SGSM1: variants seen among roughly 807,000 people sequenced by gnomAD.
SGSM1 encodes the protein RUN and TBC1 domain containing 2.
A neutral mutation model predicts 133.8 loss-of-function variants in SGSM1; 73 were observed. That is an observed-to-expected ratio of 0.55 (90% confidence interval 0.45 to 0.66). The LOEUF (loss-of-function observed/expected upper bound fraction) is 0.66, where lower values mean the gene tolerates loss of function less well. Ranked by LOEUF, SGSM1 falls within the 30% of genes least tolerant of loss-of-function variation. The probability of loss-of-function intolerance (pLI) is 0.00; values close to 1 mark genes in which losing one functional copy is unlikely to be tolerated. For synonymous variants in SGSM1, 563 were observed against 573.0 expected, an observed-to-expected ratio of 0.98 and a Z score of 0.25; for missense variants, 1,213 against 1,448.1, an observed-to-expected ratio of 0.84 and a Z score of 2.64.
At chr22:24,851,449 G>GGAGAGAGAGAGA (rs56956761) in intron 5 of SGSM1, among the ~76,000 whole-genome samples, 10 of 112,868 alleles carry the variant, frequency 8.9e-5, no homozygotes, top group Non-Finnish European at 1.2e-4. Context: ...GGGGGTGGGG[G>GGAGAGAGAGAGA]GAGAGAGAGA....
chr22:24,857,379 G>T (rs1022371114), intron 8 of SGSM1, among the ~76,000 whole-genome samples: 1 of 136,660 alleles, frequency 7.3e-6, no homozygotes, highest in Admixed American at 8.0e-5. Flanking sequence ...CTGCACTCCA[G>T]CCTAGGCAAC....
In SGSM1 at chr22:24,855,673, T is replaced by G; in HGVS notation, c.794T>G (p.Val265Gly). 6.2e-7 allele frequency: 1 copy of G among 1,613,962 alleles called. No individual in the cohort carries two copies. ...TLLYGKNNVL[V>G]QPRDDMEAVP... ...CTCTATGGCAAAAACAACGTTCTTG[T>G]TCAGCCGGTGAGAGGTTATCTTGGG... Residue 265 changes from valine (V) to glycine (G), a missense_variant, in exon 8 of 25, where the codon GTT (valine) becomes GGT (glycine). Val to Gly is a moderately radical substitution (Grantham distance 109). Coordinates refer to ENST00000400358, the MANE Select transcript of SGSM1 (RefSeq NM_001098497.3).
chr22:24,874,055 GTC>G (rs1931896562), intron 12 of SGSM1, among the ~76,000 whole-genome samples: 1 of 152,146 alleles, frequency 6.6e-6, no homozygotes, highest in Non-Finnish European at 1.5e-5. Context: ...GACTAGATAC[GTC>G]TGTTACTGCC....
intron 19 of SGSM1, among the ~76,000 whole-genome samples, chr22:24,900,703 C>T (rs1371156559): frequency 1.3e-5 from 2 of 152,164 alleles, no homozygotes; most frequent in African/African-American, 4.8e-5. Flanking sequence ...CGCCTTATTT[C>T]TTTAAATACA....
At chr22:24,901,771 A>C in intron 19 of SGSM1, 62 bp from the exon 20 acceptor site, 1 of 1,572,758 alleles carries the variant, frequency 6.4e-7, no homozygotes, top group Non-Finnish European at 8.6e-7. Context: ...GCTGCTTTCC[A>C]GTGGGGACTT....
At chr22:24,893,100 A>T (rs570170777) in intron 16 of SGSM1, among the ~76,000 whole-genome samples, 2 of 151,964 alleles carry the variant, frequency 1.3e-5, no homozygotes, top group Non-Finnish European at 2.9e-5. Context: ...GAGGGAAAGA[A>T]AAATAGAAAC....
Position 24,906,811 on chromosome 22 carries a change from C to T in SGSM1, c.2818+1624C>T, listed in dbSNP as rs539200562. 5.3e-5 allele frequency among the ~76,000 whole-genome samples: 8 copies of T among 152,004 alleles called. No individual in the cohort carries two copies. The East Asian group carries it at 5.8e-4, about 11-fold the overall frequency. ...AAAAAAGTAAACAAAAATAGCCAGG[C>T]GTGGTGGCGCATGCCTCTAATTCCA... On this transcript the variant is annotated intron_variant, in intron 21 of 24. Coordinates refer to ENST00000400358, the MANE Select transcript of SGSM1 (RefSeq NM_001098497.3).
At chr22:24,890,230 A>G (rs1209833247) in intron 16 of SGSM1, among the ~76,000 whole-genome samples, 1 of 152,300 alleles carries the variant, frequency 6.6e-6, no homozygotes, top group East Asian at 1.9e-4. Context: ...TCCTGGGATT[A>G]CAGGCATGAG....
In SGSM1 at chr22:24,893,493, G is replaced by T. The variant is rs368461788; in HGVS notation, c.1833G>T (p.Ala611=). Residue 611 remains alanine, a synonymous_variant, in exon 17 of 25, where the codon GCG becomes GCT. Coordinates refer to ENST00000400358, the MANE Select transcript of SGSM1 (RefSeq NM_001098497.3). ...QTMAEWLGCE[A]IVRQRERESH... is the part of the protein sequence containing the mutation. ...TGGCTGAGTGGCTGGGCTGCGAGGC[G>T]ATCGTGCGGCAGAGGGAGCGGGAGT... is the stretch of plus-strand genomic sequence containing the variant. 6.2e-7 allele frequency: 1 copy of T among 1,613,774 alleles called. No homozygotes were observed. Among genetic ancestry groups the T allele is most frequent in the South Asian group, 1.1e-5 (1 of 91,068 alleles).
chr22:24,816,673 G>A (rs1023394671), intron 2 of SGSM1, among the ~76,000 whole-genome samples: 1 of 152,026 alleles, frequency 6.6e-6, no homozygotes, highest in African/African-American at 2.4e-5. Flanking sequence ...CCAAAGCGCT[G>A]GGAAAAATTG....
At chr22:24,857,722 G>C (rs1225106563) in intron 8 of SGSM1, among the ~76,000 whole-genome samples, 1 of 152,184 alleles carries the variant, frequency 6.6e-6, no homozygotes, top group Non-Finnish European at 1.5e-5. Flanking sequence ...GTTCCATCAA[G>C]AGAAGGAGTT....
chr22:24,919,194 C>T (rs1171148090), intron 23 of SGSM1, among the ~76,000 whole-genome samples: 2 of 151,752 alleles, frequency 1.3e-5, no homozygotes, highest in Non-Finnish European at 2.9e-5. Context: ...ATTACAGGCA[C>T]CTGCCACCAT....
At chr22:24,853,692 C>T (rs139943887) in intron 5 of SGSM1, among the ~76,000 whole-genome samples, 2,736 of 151,772 alleles carry the variant, frequency 0.018, 53 homozygotes, top group East Asian at 0.09. Context: ...CTGCAAGCTC[C>T]GCCTCCCAGG....
chr22:24,917,785 AGACT>A, intron 23 of SGSM1, 31 bp downstream of exon 23: 1 of 1,581,660 alleles, frequency 6.3e-7, no homozygotes, highest in Non-Finnish European at 8.7e-7. Flanking sequence ...ACCTGTGTCC[AGACT>A]CTTTGTAGCA....
At chr22:24,923,538 C>A (rs550742724) in intron 24 of SGSM1, among the ~76,000 whole-genome samples, 32 of 152,106 alleles carry the variant, frequency 2.1e-4, no homozygotes, top group African/African-American at 4.6e-4. Context: ...CTTTTCATAT[C>A]TTTCAGCGTC....
At chr22:24,902,433 A>C (rs1169490099) in intron 20 of SGSM1, among the ~76,000 whole-genome samples, 1 of 152,148 alleles carries the variant, frequency 6.6e-6, no homozygotes, top group Non-Finnish European at 1.5e-5. Flanking sequence ...TGGGAGGATC[A>C]CTTGAGGCCA....
At chr22:24,806,541 G>A in intron 2 of SGSM1, 57 bp downstream of exon 2, 1 of 1,480,384 alleles carries the variant, frequency 6.8e-7, no homozygotes, top group South Asian at 1.3e-5. Flanking sequence ...CGGCCAAACG[G>A]GAAAAGAGTC....
intron 2 of SGSM1, among the ~76,000 whole-genome samples, chr22:24,834,076 G>C (rs1040051058): frequency 3.9e-5 from 6 of 152,266 alleles, no homozygotes; most frequent in Non-Finnish European, 8.8e-5. Flanking sequence ...ACAGGCAGGT[G>C]GCCGCGCTCC....
chr22:24,856,689 G>A (rs1324016429), intron 8 of SGSM1, among the ~76,000 whole-genome samples: 5 of 151,818 alleles, frequency 3.3e-5, no homozygotes, highest in Non-Finnish European at 5.9e-5. Flanking sequence ...CTGAGCCTCC[G>A]TATCTGCATC....
Sources: allele counts gnomAD v4.1 joint callset (sites outside exome capture counted in the v4.1 genomes callset), GRCh38; gene constraint gnomAD v4.1.1; transcripts MANE v1.5; gene names NCBI Gene and HGNC (gene_info 2026-07-23, HGNC 2026-07-21).